The following AGAP1 variants were observed in gnomAD, a reference collection of about 807,000 sequenced individuals.
AGAP1 encodes the protein ArfGAP with GTPase domain, ankyrin repeat and PH domain 1.
A neutral mutation model predicts 105.3 loss-of-function variants in AGAP1; 29 were observed. The ratio of observed to expected loss-of-function variants is 0.28; its 90% confidence interval spans 0.21 to 0.38. The LOEUF is 0.38. Among genes scored for constraint, AGAP1 ranks in the 10% least tolerant of loss-of-function variants. AGAP1 has a pLI of 1.00. For missense variants in AGAP1, 998 were observed against 1,165.1 expected (o/e 0.86, Z 2.09); for synonymous variants, 509 against 485.9 (o/e 1.05, Z -0.63).
At position 235,931,781 on chromosome 2, in the gene AGAP1, C is replaced by T. The variant is rs114586035; in HGVS notation, c.1483+858C>T. ...ACATCATCCTTATTTCTAGTGGCTC[C>T]GCAGACGCCACCAAGCAGAAGCCTT... On this transcript the variant is annotated intron_variant, in intron 12 of 17. Transcript: ENST00000304032. The surrounding 1 kb of genome is among the most constrained non-coding windows in gnomAD (Gnocchi z 5.6). 0.011 allele frequency among the ~76,000 whole-genome samples: 1,658 copies of T among 152,060 alleles called. 42 individuals are homozygous for T. Among genetic ancestry groups the T allele is most frequent in the African/African-American group, 0.037 (1,517 of 41,448 alleles).
At chr2:235,969,328 AC>A (rs542117590) in intron 13 of AGAP1, among the ~76,000 whole-genome samples, 1 of 150,864 alleles carries the variant, frequency 6.6e-6, no homozygotes, top group Non-Finnish European at 1.5e-5. Context: ...ATACACACAC[AC>A]CCCCCACATT....
intron 1 of AGAP1, among the ~76,000 whole-genome samples, chr2:235,519,297 T>C (rs893480219): frequency 6.6e-6 from 1 of 152,094 alleles, no homozygotes; most frequent in Non-Finnish European, 1.5e-5. Flanking sequence ...AGGCTGGTCT[T>C]GAATGCCTCA....
rs2053001760 is a variant in AGAP1, at chr2:235,936,590, T to C, written c.1483+5667T>C. Among the ~76,000 whole-genome samples the C allele has an allele frequency of 6.6e-6, 1 of 152,220 alleles. No homozygotes were observed. The highest frequency in any genetic ancestry group is 2.4e-5 in the African/African-American group (1 of 41,454). On this transcript the variant is annotated intron_variant, in intron 12 of 17. Transcript: ENST00000304032. The surrounding 1 kb of genome is among the most constrained non-coding windows in gnomAD (Gnocchi z 4.7). The stretch of plus-strand genomic sequence containing the variant: ...CCAGCAAGCATGTCCACACCATTCA[T>C]CAATTTTAATCATTATAGTTGGAGC...
intron 13 of AGAP1, among the ~76,000 whole-genome samples, chr2:235,991,272 A>G (rs958309276): frequency 6.6e-6 from 1 of 152,238 alleles, no homozygotes; most frequent in Non-Finnish European, 1.5e-5. Context: ...GTCAGTATAA[A>G]AATACTTTAT....
chr2:235,662,649 G>A lies in AGAP1; in HGVS notation c.164-46530G>A, dbSNP rs1005629535. Among the ~76,000 whole-genome samples the A allele has an allele frequency of 1.3e-5, 2 of 151,908 alleles. No individual in the cohort carries two copies. The highest frequency in any genetic ancestry group is 2.9e-5 in the Non-Finnish European group (2 of 68,012). On this transcript the variant is annotated intron_variant, in intron 1 of 17. Transcript: ENST00000304032. This position sits in a 1 kb window ranked among gnomAD's most constrained non-coding sequence, Gnocchi z 4.2. Reference sequence around the variant, plus strand: ...AGCCTCCCAAGTAGCTGGGATTACAGGTGTGTGCCACCACACCTGGCCGAA... The same window carrying A: ...AGCCTCCCAAGTAGCTGGGATTACAAGTGTGTGCCACCACACCTGGCCGAA...
chr2:235,495,603 C>G (rs554162582), intron 1 of AGAP1, among the ~76,000 whole-genome samples: 2 of 152,344 alleles, frequency 1.3e-5, no homozygotes, highest in Admixed American at 1.3e-4. Flanking sequence ...GGCAGAATCC[C>G]CACCCGCTTC....
rs1193010617 is a variant in AGAP1, at chr2:235,789,885, A to C, written c.674-7874A>C. On this transcript the variant is annotated intron_variant, in intron 6 of 17. Coordinates refer to ENST00000304032, the MANE Select transcript of AGAP1 (RefSeq NM_001037131.3). The surrounding 1 kb of genome is among the most constrained non-coding windows in gnomAD (Gnocchi z 4.2). ...ATAGAAGAGCATTTCCTATTTACAC[A>C]CCCCTAAGTTAAATTTATGACCTGT... Among the ~76,000 whole-genome samples, 2 of 151,976 alleles carry C rather than the reference A, an allele frequency of 1.3e-5. No homozygotes were observed. The highest frequency in any genetic ancestry group is 2.9e-5 in the Non-Finnish European group (2 of 68,002).
chr2:235,606,289 A>G (rs1275273100), intron 1 of AGAP1, among the ~76,000 whole-genome samples: 1 of 152,210 alleles, frequency 6.6e-6, no homozygotes, highest in African/African-American at 2.4e-5. Context: ...TCTGTTCTCC[A>G]CAACAGCAGA....
chr2:235,682,283 C>G (rs1289872829), intron 1 of AGAP1, among the ~76,000 whole-genome samples: 2 of 152,084 alleles, frequency 1.3e-5, no homozygotes, highest in Admixed American at 1.3e-4. Flanking sequence ...TCACTCTGAA[C>G]TAGCTTGGTG....
At chr2:235,496,148 C>T (rs558125466) in intron 1 of AGAP1, among the ~76,000 whole-genome samples, 8 of 152,340 alleles carry the variant, frequency 5.3e-5, no homozygotes, top group African/African-American at 1.7e-4. Flanking sequence ...GAGCCCTTGG[C>T]ATTTGGCAGC....
chr2:236,004,898 AC>A (rs2056264613), intron 13 of AGAP1, among the ~76,000 whole-genome samples: 2 of 152,344 alleles, frequency 1.3e-5, no homozygotes, highest in African/African-American at 2.4e-5. Flanking sequence ...GCTATCAAAT[AC>A]TTCTAGCCTT....
In AGAP1 at chr2:235,855,109, T is replaced by C. The variant is rs2048631729; in HGVS notation, c.1051-28236T>C. On this transcript the variant is annotated intron_variant, in intron 9 of 17. Coordinates refer to ENST00000304032, the MANE Select transcript of AGAP1 (RefSeq NM_001037131.3). The surrounding 1 kb of genome is among the most constrained non-coding windows in gnomAD (Gnocchi z 5.0). Reference sequence around the variant, plus strand: ...AAGGAACAGAAAAGTAGAAAAGGTTTAAAGGCAAAAAAAGCTGAAGGTATT... The same window carrying C: ...AAGGAACAGAAAAGTAGAAAAGGTTCAAAGGCAAAAAAAGCTGAAGGTATT... 6.6e-6 allele frequency among the ~76,000 whole-genome samples: 1 copy of C among 152,162 alleles called. No individual in the cohort carries two copies. Among genetic ancestry groups the C allele is most frequent in the South Asian group, 2.1e-4 (1 of 4,822 alleles).
rs572105295 is a variant in AGAP1 at position 235,993,018 on chromosome 2, T to C, written c.1645+24395T>C. ...AAGATAGTAGCAAAAGTTATTGTTA[T>C]ACGTTACAAAAAACCAGTTTAAGAC... On this transcript the variant is annotated intron_variant, in intron 13 of 17. Transcript: ENST00000304032. This position sits in a 1 kb window ranked among gnomAD's most constrained non-coding sequence, Gnocchi z 5.0. Among the ~76,000 whole-genome samples the C allele has an allele frequency of 1.3e-5, 2 of 152,194 alleles. No individual in the cohort carries two copies. The highest frequency in any genetic ancestry group is 1.9e-4 in the East Asian group (1 of 5,188).
At chr2:235,821,616 T>C (rs190010009) in intron 9 of AGAP1, among the ~76,000 whole-genome samples, 3 of 152,174 alleles carry the variant, frequency 2.0e-5, no homozygotes, top group African/African-American at 7.2e-5. Flanking sequence ...CCATATACCC[T>C]TCACCCAGCT....
intron 12 of AGAP1, among the ~76,000 whole-genome samples, chr2:235,933,033 TAGAAG>T (rs1553682662): frequency 6.6e-6 from 1 of 150,380 alleles, no homozygotes; most frequent in Non-Finnish European, 1.5e-5. Flanking sequence ...ACCCTGAACA[TAGAAG>T]ATAAGAAACA....
chr2:235,916,377 G>A (rs900654759), intron 11 of AGAP1, among the ~76,000 whole-genome samples: 2 of 152,212 alleles, frequency 1.3e-5, no homozygotes, highest in Admixed American at 6.5e-5. Context: ...TCAGGTATAG[G>A]TCCAGAGAAG....
rs1046472538 is a variant in AGAP1 at position 235,977,037 on chromosome 2, A to G, written c.1645+8414A>G. Among the ~76,000 whole-genome samples the G allele has an allele frequency of 3.9e-5, 6 of 152,142 alleles. No homozygotes were observed. Among genetic ancestry groups the G allele is most frequent in the African/African-American group, 1.2e-4 (5 of 41,422 alleles). On this transcript the variant is annotated intron_variant, in intron 13 of 17. Coordinates refer to ENST00000304032, the MANE Select transcript of AGAP1 (RefSeq NM_001037131.3). This position sits in a 1 kb window ranked among gnomAD's most constrained non-coding sequence, Gnocchi z 5.2. ...CAAGGTCCCTTTCTAAGATACAGAA[A>G]TGTGACGGACCTCAACTCCTTTTTT... is the stretch of plus-strand genomic sequence containing the variant.
At chr2:235,932,215 G>A (rs190449573) in intron 12 of AGAP1, among the ~76,000 whole-genome samples, 20 of 152,284 alleles carry the variant, frequency 1.3e-4, no homozygotes, top group African/African-American at 3.4e-4. Flanking sequence ...CTGAAGCCCC[G>A]CCACCTGCCA....
chr2:235,755,739 C>A (rs1953872811), intron 6 of AGAP1, among the ~76,000 whole-genome samples: 1 of 152,204 alleles, frequency 6.6e-6, no homozygotes, highest in African/African-American at 2.4e-5. Flanking sequence ...CTGCACCCAG[C>A]TTGCGATTCT....
Sources: allele counts gnomAD v4.1 joint callset (sites outside exome capture counted in the v4.1 genomes callset), GRCh38; gene constraint gnomAD v4.1.1; non-coding constraint Gnocchi (gnomAD v3.1); transcripts MANE v1.5; gene names NCBI Gene and HGNC (gene_info 2026-07-23, HGNC 2026-07-21).